Variants in IRAK2 observed in about 807,000 individuals in gnomAD.
IRAK2 encodes the protein interleukin 1 receptor associated kinase 2.
A neutral mutation model predicts 72.0 loss-of-function variants in IRAK2; 57 were observed. The observed-to-expected ratio is 0.79, with a 90% CI of 0.64 to 0.99. IRAK2 has a LOEUF of 0.99. Among genes scored for constraint, IRAK2 ranks in the 50% least tolerant of loss-of-function variants. The pLI is 0.00. For synonymous variants in IRAK2, 293 were observed against 312.7 expected (o/e 0.94, Z 0.67); for missense variants, 790 against 794.4 (o/e 0.99, Z 0.07).
At chr3:10,241,863 C>T (rs1698065935) in intron 12 of IRAK2, among the ~76,000 whole-genome samples, 1 of 145,964 alleles carries the variant, frequency 6.9e-6, no homozygotes, top group Non-Finnish European at 1.5e-5. Flanking sequence ...GTCCCTGCTA[C>T]TCCGGAGACT....
chr3:10,220,519 T>C (rs1190111972), intron 8 of IRAK2, among the ~76,000 whole-genome samples: 1 of 152,152 alleles, frequency 6.6e-6, no homozygotes, highest in Non-Finnish European at 1.5e-5. Context: ...CTCAGCTCAC[T>C]GCAACCTCCA....
At chr3:10,173,681 G>A (rs537202984) in intron 1 of IRAK2, among the ~76,000 whole-genome samples, 1 of 152,152 alleles carries the variant, frequency 6.6e-6, no homozygotes, top group African/African-American at 2.4e-5. Flanking sequence ...AAAATTAGCC[G>A]AGAGTGGTGG....
In IRAK2 at chr3:10,177,881, G is replaced by C. The variant is rs761042441; in HGVS notation, c.138G>C (p.Lys46Asn). 2 of 1,613,660 alleles carry C rather than the reference G, an allele frequency of 1.2e-6. No homozygotes were observed. The highest frequency in any genetic ancestry group is 4.5e-5 in the East Asian group (2 of 44,862). ...ACCTGACCCAGCTGCGGAAGATCAA[G>C]TCCATGGAGCGGGTGCAGGGTGTGA... ...ITDLTQLRKIKSMERVQGVSI... is the reference protein window; with the variant it reads ...ITDLTQLRKINSMERVQGVSI... The change falls in exon 2 of 13, where the codon AAG becomes AAC. Residue 46 changes from lysine to asparagine, a missense_variant. Transcript: ENST00000256458.
chr3:10,217,426 G>A (rs894558069), intron 7 of IRAK2, among the ~76,000 whole-genome samples: 8 of 152,168 alleles, frequency 5.3e-5, no homozygotes, highest in South Asian at 2.1e-4. Flanking sequence ...AACTAACTTC[G>A]TTCGTCATGG....
Position 10,242,406 on chromosome 3 carries a change from C to T in IRAK2, c.*178C>T, listed in dbSNP as rs929138870. 3.2e-4 allele frequency: 136 copies of T among 431,420 alleles called. No homozygotes were observed. Among genetic ancestry groups the T allele is most frequent in the Non-Finnish European group, 4.6e-4 (111 of 241,948 alleles). 26.7% of individuals were successfully genotyped at this position (431,420 alleles called of 1,614,324 possible). On this transcript the variant is annotated 3_prime_UTR_variant, in exon 13 of 13. Coordinates refer to ENST00000256458, the MANE Select transcript of IRAK2 (RefSeq NM_001570.4). ...TGAGTTGGGAGAGAAAGGCCCTCAG[C>T]TTTTAGAGACACAAAAATCCATGAA...
At chr3:10,187,228 C>G (rs1697090214) in intron 2 of IRAK2, among the ~76,000 whole-genome samples, 1 of 147,740 alleles carries the variant, frequency 6.8e-6, no homozygotes. Context: ...AAGCTATAGG[C>G]AATGTCTCCC....
chr3:10,220,765 C>G (rs1697675530), intron 8 of IRAK2, among the ~76,000 whole-genome samples: 1 of 151,954 alleles, frequency 6.6e-6, no homozygotes, highest in African/African-American at 2.4e-5. Context: ...TATTTGATTG[C>G]ATCAATAATT....
chr3:10,233,252 G>A (rs1269003014), intron 10 of IRAK2, among the ~76,000 whole-genome samples: 4 of 151,984 alleles, frequency 2.6e-5, no homozygotes, highest in African/African-American at 9.7e-5. Context: ...AGGTTTCACC[G>A]TGTCAGCCAG....
In IRAK2 at chr3:10,226,375, T is replaced by G. The variant is rs1381980443; in HGVS notation, c.1214T>G (p.Leu405Trp). Reference protein sequence around the residue: ...RVDIFSCGIVLAEVLTGIPAM... With the variant: ...RVDIFSCGIVWAEVLTGIPAM... ...CTCACGTTCTGTTCTCTCCAGGTGT[T>G]GGCCGAGGTCCTCACGGGCATCCCT... Residue 405 changes from leucine (L) to tryptophan (W), a missense_variant, in exon 10 of 13, where the codon TTG becomes TGG. By Grantham distance (61) the Leu-to-Trp change is moderately conservative. Coordinates refer to ENST00000256458, the MANE Select transcript of IRAK2 (RefSeq NM_001570.4). The G allele has an allele frequency of 6.2e-7, 1 of 1,613,350 alleles. No individual in the cohort carries two copies. Among genetic ancestry groups the G allele is most frequent in the Non-Finnish European group, 8.5e-7 (1 of 1,179,736 alleles).
chr3:10,237,827 A>G (rs1222002627), intron 11 of IRAK2, among the ~76,000 whole-genome samples: 1 of 149,478 alleles, frequency 6.7e-6, no homozygotes, highest in Non-Finnish European at 1.5e-5. Flanking sequence ...AAAAAAAAAG[A>G]AAGAAAGAAA....
chr3:10,204,693 G>A (rs1174724442), intron 3 of IRAK2, among the ~76,000 whole-genome samples: 2 of 152,046 alleles, frequency 1.3e-5, no homozygotes, highest in Non-Finnish European at 2.9e-5. Context: ...AGGTTGCAGT[G>A]AGCCGAGATC....
chr3:10,220,019 C>G (rs532189525), intron 8 of IRAK2, among the ~76,000 whole-genome samples: 1 of 152,188 alleles, frequency 6.6e-6, no homozygotes, highest in Admixed American at 6.5e-5. Flanking sequence ...AATTGCCTAC[C>G]TGTCACATTT....
At chr3:10,171,808 C>A (rs1178037014) in intron 1 of IRAK2, among the ~76,000 whole-genome samples, 1 of 151,210 alleles carries the variant, frequency 6.6e-6, no homozygotes, top group Non-Finnish European at 1.5e-5. Flanking sequence ...CTCTGTTGCC[C>A]AGGCTGGAGT....
At chr3:10,229,923 A>G (rs1697833919) in intron 10 of IRAK2, among the ~76,000 whole-genome samples, 1 of 152,128 alleles carries the variant, frequency 6.6e-6, no homozygotes, top group South Asian at 2.1e-4. Flanking sequence ...CAACATGGTG[A>G]AACCCCGTCT....
chr3:10,226,551 T>G, intron 10 of IRAK2, 118 bp downstream of exon 10: 2 of 729,542 alleles, frequency 2.7e-6, no homozygotes, highest in South Asian at 3.4e-5. Flanking sequence ...CGGTACAAGG[T>G]TGCATTTGCA....
chr3:10,173,896 G>A (rs550363118), intron 1 of IRAK2, among the ~76,000 whole-genome samples: 5 of 152,162 alleles, frequency 3.3e-5, no homozygotes, highest in East Asian at 3.8e-4. Flanking sequence ...ATATGGCACC[G>A]TCATGGAACA....
At chr3:10,180,625 C>G (rs1215779935) in intron 2 of IRAK2, among the ~76,000 whole-genome samples, 4 of 152,080 alleles carry the variant, frequency 2.6e-5, no homozygotes, top group Non-Finnish European at 5.9e-5. Flanking sequence ...TGGGAACCAC[C>G]TGGCTGGACC....
chr3:10,234,338 C>T (rs1382602500), intron 10 of IRAK2, 121 bp from the exon 11 acceptor site: 6 of 728,798 alleles, frequency 8.2e-6, no homozygotes, highest in Non-Finnish European at 1.4e-5. Context: ...TGCATTTATT[C>T]TTACGATGTC....
rs1240444705 is a variant in IRAK2, at chr3:10,222,751, A to G, written c.1129A>G (p.Thr377Ala). Residue 377 changes from threonine to alanine, a missense_variant, in exon 9 of 13, where the codon ACG becomes GCG. By Grantham distance (58) the Thr-to-Ala change is moderately conservative. Transcript: ENST00000256458. Reference sequence around the variant, plus strand: ...CATGATGAAGACTCACCTGCTCCGGACGTCAGCCGCGTATCTGCCAGAGGA... The same window carrying G: ...CATGATGAAGACTCACCTGCTCCGGGCGTCAGCCGCGTATCTGCCAGAGGA... The part of the protein sequence containing the change: ...YTMMKTHLLR[T>A]SAAYLPEDFI... 1.2e-6 allele frequency: 2 copies of G among 1,614,226 alleles called. No homozygotes were observed. Among genetic ancestry groups the G allele is most frequent in the Non-Finnish European group, 1.7e-6 (2 of 1,180,038 alleles).
Sources: gnomAD v4.1 joint callset for allele counts (sites outside exome capture counted in the v4.1 genomes callset) on GRCh38, gnomAD v4.1.1 for gene constraint, MANE v1.5 for transcripts, NCBI Gene and HGNC (gene_info 2026-07-23, HGNC 2026-07-21) for gene names.